MTM1: variants seen among roughly 807,000 people sequenced by gnomAD.
The protein encoded by MTM1 is myotubularin.
MTM1 carries 9 observed loss-of-function variants against 52.1 expected under a neutral mutation model. The ratio of observed to expected loss-of-function variants is 0.17; its 90% CI spans 0.10 to 0.30. MTM1 has a LOEUF of 0.30. Ranked by LOEUF, MTM1 falls within the 10% of genes least tolerant of loss-of-function variation. MTM1 has a pLI of 1.00. For missense variants in MTM1, 277 were observed against 470.7 expected, an observed-to-expected ratio of 0.59 and a Z score of 3.81; for synonymous variants, 136 against 163.8, an observed-to-expected ratio of 0.83 and a Z score of 1.29.
intron 1 of MTM1, among the ~76,000 whole-genome samples, chrX:150,585,235 G>A (rs1557412200): frequency 9.0e-6 from 1 of 111,498 alleles, no homozygotes; most frequent in East Asian, 2.8e-4. Flanking sequence ...GTTTCAAATG[G>A]CAGGTTATCT....
At chrX:150,625,779 G>A (rs1458977389) in intron 6 of MTM1, among the ~76,000 whole-genome samples, 2 of 112,456 alleles carry the variant, frequency 1.8e-5, no homozygotes, top group Non-Finnish European at 3.8e-5. Context: ...CAGTCATATA[G>A]TTGCGAAATT....
intron 4 of MTM1, among the ~76,000 whole-genome samples, chrX:150,608,279 T>C (rs2039205716): frequency 9.0e-6 from 1 of 111,340 alleles, no homozygotes; most frequent in Admixed American, 9.5e-5. Context: ...AGTGCAGTGG[T>C]GCAATCATAG....
intron 1 of MTM1, among the ~76,000 whole-genome samples, chrX:150,581,670 C>T (rs1012232176): frequency 1.8e-5 from 2 of 111,444 alleles, no homozygotes; most frequent in Non-Finnish European, 3.8e-5. Flanking sequence ...GCATGATGTC[C>T]TCATTTTAAT....
intron 14 of MTM1, among the ~76,000 whole-genome samples, chrX:150,664,485 A>C (rs936504756): frequency 1.1e-4 from 12 of 112,468 alleles, no homozygotes; most frequent in Admixed American, 4.7e-4. Context: ...TCCTCACTGG[A>C]GAAGTGCCCA....
intron 4 of MTM1, among the ~76,000 whole-genome samples, chrX:150,614,122 T>A (rs2039340104): frequency 8.9e-6 from 1 of 112,290 alleles, no homozygotes; most frequent in Non-Finnish European, 1.9e-5. Context: ...GAGGTGATGC[T>A]TGCTGAGCCA....
chrX:150,569,276 A>G (rs918943634), intron 1 of MTM1, among the ~76,000 whole-genome samples: 6 of 113,563 alleles, frequency 5.3e-5, no homozygotes, highest in African/African-American at 1.3e-4. Context: ...AGTCGGAAGT[A>G]TGTACAGGCA....
intron 6 of MTM1, among the ~76,000 whole-genome samples, chrX:150,631,277 G>A (rs1350614508): frequency 1.8e-5 from 2 of 112,396 alleles, no homozygotes; most frequent in Non-Finnish European, 3.8e-5. Context: ...GCAGCCTCAG[G>A]CCTGCCATGT....
chrX:150,638,830 A>G, intron 6 of MTM1, 113 bp from the exon 7 acceptor site: 2 of 570,014 alleles, frequency 3.5e-6, no homozygotes, highest in Non-Finnish European at 5.9e-6. Flanking sequence ...TGTGGGTTGT[A>G]ATTTCATGGT....
intron 4 of MTM1, 36 bp from the exon 5 acceptor site, chrX:150,614,553 C>G (rs1557413085): frequency 1.2e-6 from 1 of 803,928 alleles, no homozygotes; most frequent in Admixed American, 2.3e-5. Flanking sequence ...ATTATACTGA[C>G]AGAAATACTG....
At position 150,606,170 on chromosome X, in the gene MTM1, G is replaced by A. The variant is rs782275744; in HGVS notation, c.231+7484G>A. Among the ~76,000 whole-genome samples, 8 of 111,183 alleles carry A rather than the reference G, an allele frequency of 7.2e-5. No homozygotes were observed. The East Asian group carries it at 2.0e-3, about 27-fold the overall frequency. On this transcript the variant is annotated intron_variant, in intron 4 of 14. Transcript: ENST00000370396. ...TCCATAAATCGGAACATCAGTGGGA[G>A]CATAGGATCTATGCTATAGGTATTA...
chrX:150,573,076 C>T (rs782789948), intron 1 of MTM1, among the ~76,000 whole-genome samples: 60 of 112,595 alleles, frequency 5.3e-4, no homozygotes, highest in African/African-American at 1.9e-3. Context: ...TAAGATGGTC[C>T]TATACACACA....
At chrX:150,598,329 C>T (rs2039014054) in intron 3 of MTM1, among the ~76,000 whole-genome samples, 1 of 111,306 alleles carries the variant, frequency 9.0e-6, no homozygotes, top group Non-Finnish European at 1.9e-5. Context: ...TCACCTTGCC[C>T]CAGGTAGTGA....
chrX:150,584,610 G>C (rs1371187288), intron 1 of MTM1, among the ~76,000 whole-genome samples: 1 of 110,959 alleles, frequency 9.0e-6, no homozygotes, highest in East Asian at 2.8e-4. Context: ...ATGGTCCTTG[G>C]CCTTAGGAAG....
At chrX:150,652,702 C>A (rs2040049420) in intron 10 of MTM1, among the ~76,000 whole-genome samples, 1 of 98,289 alleles carries the variant, frequency 1.0e-5, no homozygotes, top group African/African-American at 3.7e-5. Flanking sequence ...CACATACATA[C>A]AGAATTTAGA....
At chrX:150,563,279 G>GTC in the MTM1 span, among the ~76,000 whole-genome samples, 1 of 82,028 alleles carries the variant, frequency 1.2e-5, no homozygotes, top group Non-Finnish European at 2.4e-5. Flanking sequence ...ATGTCTTCTT[G>GTC]TCTTCTTCCC....
chrX:150,652,001 G>C (rs1200228199), intron 10 of MTM1, among the ~76,000 whole-genome samples: 1 of 110,882 alleles, frequency 9.0e-6, no homozygotes, highest in Non-Finnish European at 1.9e-5. Flanking sequence ...GGGTGTGAGT[G>C]AGAAAATAGA....
chrX:150,647,386 A>G (rs1178155710), intron 9 of MTM1, among the ~76,000 whole-genome samples: 3 of 110,604 alleles, frequency 2.7e-5, no homozygotes, highest in African/African-American at 9.9e-5. Context: ...CACTCAGGAA[A>G]CAAGCTTCTA....
intron 6 of MTM1, among the ~76,000 whole-genome samples, chrX:150,632,980 C>G (rs998027430): frequency 9.0e-6 from 1 of 111,092 alleles, no homozygotes; most frequent in Admixed American, 9.5e-5. Context: ...ACTCCTGGAT[C>G]ACATCCACAT....
At chrX:150,621,673 A>T (rs1018977472) in intron 6 of MTM1, among the ~76,000 whole-genome samples, 1 of 110,823 alleles carries the variant, frequency 9.0e-6, no homozygotes, top group Non-Finnish European at 1.9e-5. Context: ...TCTTCCACAC[A>T]CTTAGCCTTC....
Sources: allele counts gnomAD v4.1 joint callset (sites outside exome capture counted in the v4.1 genomes callset), GRCh38; gene constraint gnomAD v4.1.1; transcripts MANE v1.5; gene names NCBI Gene and HGNC (gene_info 2026-07-23, HGNC 2026-07-21).